The following LRP1B variants were observed in gnomAD, a reference collection of about 807,000 sequenced individuals.
The protein encoded by LRP1B is low-density lipoprotein receptor-related protein 1B.
A neutral mutation model predicts 556.6 loss-of-function variants in LRP1B; 217 were observed. That is an observed-to-expected ratio of 0.39 (90% CI 0.35 to 0.44). The LOEUF is 0.44. Ranked by LOEUF, LRP1B falls within the 20% of genes least tolerant of loss-of-function variation. LRP1B has a pLI of 1.00. For missense variants in LRP1B, 5,053 were observed against 5,620.8 expected, an observed-to-expected ratio of 0.90 and a Z score of 3.23; for synonymous variants, 2,047 against 1,865.8, an observed-to-expected ratio of 1.10 and a Z score of -2.50.
At chr2:140,420,183 A>T (rs1406991666) in intron 66 of LRP1B, among the ~76,000 whole-genome samples, 2 of 152,088 alleles carry the variant, frequency 1.3e-5, no homozygotes, top group Admixed American at 6.6e-5. Context: ...GGATGCAGAT[A>T]AAAAAAGTGC....
At chr2:141,619,216 G>C (rs1302043676) in intron 2 of LRP1B, among the ~76,000 whole-genome samples, 2 of 152,136 alleles carry the variant, frequency 1.3e-5, no homozygotes, top group Non-Finnish European at 2.9e-5. Flanking sequence ...GCCTGATCTT[G>C]AGTAGGCATT....
At chr2:140,494,600 C>A (rs1423366291) in intron 56 of LRP1B, among the ~76,000 whole-genome samples, 27 of 133,928 alleles carry the variant, frequency 2.0e-4, no homozygotes, top group African/African-American at 7.3e-4. Flanking sequence ...GAGCGAGACT[C>A]CGTCTCAAAA....
chr2:141,866,472 A>G (rs146411291), intron 1 of LRP1B, among the ~76,000 whole-genome samples: 2 of 152,338 alleles, frequency 1.3e-5, no homozygotes, highest in South Asian at 2.1e-4. Flanking sequence ...GTCTTCATAT[A>G]CATTTACCTA....
intron 35 of LRP1B, among the ~76,000 whole-genome samples, chr2:140,747,074 G>C (rs1404377139): frequency 2.6e-5 from 4 of 152,124 alleles, no homozygotes; most frequent in Non-Finnish European, 5.9e-5. Context: ...TAAGGTTTCT[G>C]GGTCTCTGTG....
chr2:140,276,673 C>A (rs574737662), intron 84 of LRP1B, among the ~76,000 whole-genome samples: 3 of 152,106 alleles, frequency 2.0e-5, no homozygotes, highest in African/African-American at 2.4e-5. Context: ...TTGTCCCCAA[C>A]TGCTTTAAAA....
chr2:141,998,392 C>T (rs768290653), intron 1 of LRP1B, among the ~76,000 whole-genome samples: 1 of 152,086 alleles, frequency 6.6e-6, no homozygotes, highest in Non-Finnish European at 1.5e-5. Flanking sequence ...GGCATGTGCT[C>T]TAGTGATACC....
intron 1 of LRP1B, among the ~76,000 whole-genome samples, chr2:142,073,528 G>C (rs1001373051): frequency 3.3e-5 from 5 of 151,952 alleles, no homozygotes; most frequent in African/African-American, 1.2e-4. Flanking sequence ...ATGAAAAGTA[G>C]CTGCTTCTTT....
intron 1 of LRP1B, among the ~76,000 whole-genome samples, chr2:141,831,722 T>A (rs1479203254): frequency 2.6e-5 from 4 of 151,690 alleles, no homozygotes; most frequent in Non-Finnish European, 5.9e-5. Flanking sequence ...AATAGCATGC[T>A]TTGTTGTTGT....
In LRP1B at chr2:141,598,959, T is replaced by G. The variant is rs541660685; in HGVS notation, c.206-118426A>C. On this transcript the variant is annotated intron_variant, in intron 2 of 90. Coordinates refer to ENST00000389484, the MANE Select transcript of LRP1B (RefSeq NM_018557.3). ...ATGATAGCCACACCAGAAATAGCCC[T>G]TCTGACTGTGGCCCTCTCAAATACA... 2.0e-5 allele frequency among the ~76,000 whole-genome samples: 3 copies of G among 151,076 alleles called. No individual in the cohort carries two copies. The East Asian group carries it at 5.9e-4, about 30-fold the overall frequency.
chr2:141,967,483 G>A (rs1451097162), intron 1 of LRP1B, among the ~76,000 whole-genome samples: 4 of 151,758 alleles, frequency 2.6e-5, no homozygotes, highest in Non-Finnish European at 4.4e-5. Flanking sequence ...AAATCTCACC[G>A]TATTTCTTAT....
At chr2:140,922,672 ATAAAT>A (rs1407068726) in intron 21 of LRP1B, among the ~76,000 whole-genome samples, 2 of 151,966 alleles carry the variant, frequency 1.3e-5, no homozygotes, top group Non-Finnish European at 2.9e-5. Context: ...AAATAAACAA[ATAAAT>A]TAATTAATTA....
At chr2:141,669,773 C>T (rs1009260385) in intron 2 of LRP1B, among the ~76,000 whole-genome samples, 2 of 151,596 alleles carry the variant, frequency 1.3e-5, no homozygotes, top group African/African-American at 4.8e-5. Context: ...TGGGTGGGGG[C>T]ATACAGAGTC....
chr2:141,917,684 C>A (rs1700075532), intron 1 of LRP1B, among the ~76,000 whole-genome samples: 2 of 152,194 alleles, frequency 1.3e-5, no homozygotes, highest in South Asian at 4.1e-4. Flanking sequence ...ACATTAACCA[C>A]TATCTACTGC....
chr2:141,768,375 T>C (rs1262495023), intron 2 of LRP1B, among the ~76,000 whole-genome samples: 1 of 152,192 alleles, frequency 6.6e-6, no homozygotes, highest in African/African-American at 2.4e-5. Flanking sequence ...CTCTTATTAA[T>C]TACTGACATA....
At chr2:141,559,661 G>T (rs1224320862) in intron 2 of LRP1B, among the ~76,000 whole-genome samples, 2 of 151,550 alleles carry the variant, frequency 1.3e-5, no homozygotes, top group East Asian at 3.9e-4. Flanking sequence ...TTTTATCATT[G>T]CCAGCACCAT....
intron 3 of LRP1B, among the ~76,000 whole-genome samples, chr2:141,318,873 T>C (rs1330103167): frequency 6.6e-6 from 1 of 152,152 alleles, no homozygotes; most frequent in South Asian, 2.1e-4. Flanking sequence ...GAGATGCCTA[T>C]AGATTTTCAC....
At chr2:140,543,173 T>A (rs1006665266) in intron 43 of LRP1B, among the ~76,000 whole-genome samples, 1 of 151,930 alleles carries the variant, frequency 6.6e-6, no homozygotes, top group Non-Finnish European at 1.5e-5. Flanking sequence ...TATGAGAATA[T>A]AAAAATGTAT....
At chr2:141,628,390 A>G (rs1688778899) in intron 2 of LRP1B, among the ~76,000 whole-genome samples, 1 of 152,170 alleles carries the variant, frequency 6.6e-6, no homozygotes, top group South Asian at 2.1e-4. Flanking sequence ...TTGGTCAGTC[A>G]TTACAAAAGC....
At chr2:140,758,555 C>T (rs1688814324) in intron 35 of LRP1B, among the ~76,000 whole-genome samples, 1 of 151,930 alleles carries the variant, frequency 6.6e-6, no homozygotes, top group Admixed American at 6.6e-5. Flanking sequence ...ATTCTACCAA[C>T]TAATTTTCAT....
Sources: allele counts gnomAD v4.1 joint callset (sites outside exome capture counted in the v4.1 genomes callset), GRCh38; gene constraint gnomAD v4.1.1; transcripts MANE v1.5; gene names NCBI Gene and HGNC (gene_info 2026-07-23, HGNC 2026-07-21).